AFG2A: variants seen among roughly 807,000 people sequenced by gnomAD.
AFG2A encodes AAA ATPase AFG2A.
At chr4:123,101,373 T>C in the AFG2A span, among the ~76,000 whole-genome samples, 1 of 151,856 alleles carries the variant, frequency 6.6e-6, no homozygotes, top group African/African-American at 2.4e-5. Flanking sequence ...TTGGTGGAAA[T>C]AGATAAGAGT....
the AFG2A span, among the ~76,000 whole-genome samples, chr4:123,043,136 G>T: frequency 6.6e-6 from 1 of 152,130 alleles, no homozygotes; most frequent in Non-Finnish European, 1.5e-5. Flanking sequence ...CATTTTTAAG[G>T]ATATGCCATT....
chr4:122,937,632 G>T, the AFG2A span, among the ~76,000 whole-genome samples: 180 of 152,312 alleles, frequency 1.2e-3, no homozygotes, highest in South Asian at 0.011. Context: ...TGCTTTTGTT[G>T]TTGTTGTGTT....
the AFG2A span, among the ~76,000 whole-genome samples, chr4:123,075,223 C>T: frequency 6.6e-6 from 1 of 152,106 alleles, no homozygotes; most frequent in Non-Finnish European, 1.5e-5. Flanking sequence ...GGATTACAGG[C>T]ATGAGCCACC....
At chr4:123,028,485 G>T in the AFG2A span, 4 of 994,536 alleles carry the variant, frequency 4.0e-6, no homozygotes, top group East Asian at 7.5e-5. Context: ...ACGAATAAAG[G>T]CATCTTAAGG....
the AFG2A span, among the ~76,000 whole-genome samples, chr4:122,981,519 C>T: frequency 7.6e-6 from 1 of 131,306 alleles, no homozygotes; most frequent in Non-Finnish European, 1.6e-5. Context: ...TTTTATGTTT[C>T]CTTATGAATT....
chr4:122,947,218 A>G, the AFG2A span: 7 of 1,504,730 alleles, frequency 4.7e-6, no homozygotes, highest in Admixed American at 1.2e-4. Flanking sequence ...ATTTATTTTC[A>G]TTTTATTTTG....
the AFG2A span, among the ~76,000 whole-genome samples, chr4:123,287,770 A>G: frequency 6.6e-6 from 1 of 152,214 alleles, no homozygotes; most frequent in Non-Finnish European, 1.5e-5. Context: ...ATAAGAGAGA[A>G]GGAGCAAAAT....
chr4:123,205,476 A>G, the AFG2A span, among the ~76,000 whole-genome samples: 2 of 152,214 alleles, frequency 1.3e-5, no homozygotes, highest in African/African-American at 4.8e-5. Flanking sequence ...AAATAATGCA[A>G]CAATCAAAAA....
the AFG2A span, among the ~76,000 whole-genome samples, chr4:122,977,847 G>A: frequency 3.5e-3 from 532 of 152,316 alleles, 3 homozygotes; most frequent in Middle Eastern, 0.014. Flanking sequence ...CCTGATGAGC[G>A]TCCAGCTCTC....
At chr4:123,037,681 T>C in the AFG2A span, among the ~76,000 whole-genome samples, 7 of 152,104 alleles carry the variant, frequency 4.6e-5, no homozygotes, top group Non-Finnish European at 1.0e-4. Flanking sequence ...AGAATTATAC[T>C]TCACCTTTGC....
At chr4:123,138,908 A>C in the AFG2A span, among the ~76,000 whole-genome samples, 5 of 152,188 alleles carry the variant, frequency 3.3e-5, no homozygotes, top group African/African-American at 1.2e-4. Flanking sequence ...ATGTATATGT[A>C]TAAAATATAT....
chr4:123,156,795 T>C, the AFG2A span, among the ~76,000 whole-genome samples: 1 of 151,018 alleles, frequency 6.6e-6, no homozygotes, highest in Non-Finnish European at 1.5e-5. Flanking sequence ...AAGAAACTCC[T>C]GTTCTTAATG....
the AFG2A span, among the ~76,000 whole-genome samples, chr4:123,075,443 C>T: frequency 1.3e-5 from 2 of 151,708 alleles, no homozygotes; most frequent in Non-Finnish European, 2.9e-5. Flanking sequence ...GGATTACAGG[C>T]GCCTGCCACC....
At chr4:123,219,143 TC>T in the AFG2A span, among the ~76,000 whole-genome samples, 1 of 152,222 alleles carries the variant, frequency 6.6e-6, no homozygotes, top group African/African-American at 2.4e-5. Context: ...AGTGCAGTTA[TC>T]AGTCTGTGGC....
the AFG2A span, among the ~76,000 whole-genome samples, chr4:123,150,652 A>T: frequency 6.6e-6 from 1 of 152,248 alleles, no homozygotes; most frequent in Non-Finnish European, 1.5e-5. Context: ...CCATGTGCTC[A>T]TGGATATGAA....
At chr4:123,156,019 G>C in the AFG2A span, among the ~76,000 whole-genome samples, 9 of 152,168 alleles carry the variant, frequency 5.9e-5, no homozygotes, top group African/African-American at 2.2e-4. Context: ...AAGCATGGCA[G>C]CTTCTACCTC....
At chr4:123,162,888 C>T in the AFG2A span, among the ~76,000 whole-genome samples, 1 of 152,074 alleles carries the variant, frequency 6.6e-6, no homozygotes, top group Non-Finnish European at 1.5e-5. Flanking sequence ...GGTTATTATA[C>T]AGATTAATAA....
chr4:123,119,817 A>C, the AFG2A span, among the ~76,000 whole-genome samples: 16 of 152,186 alleles, frequency 1.1e-4, no homozygotes. Context: ...TTTATAAAGG[A>C]AAGAGGTTTA....
At chr4:123,290,655 A>G in the AFG2A span, among the ~76,000 whole-genome samples, 1 of 152,208 alleles carries the variant, frequency 6.6e-6, no homozygotes, top group African/African-American at 2.4e-5. Context: ...CACATCTTAA[A>G]TGGATGGCAG....
Sources: gnomAD v4.1 joint callset for allele counts (sites outside exome capture counted in the v4.1 genomes callset) on GRCh38, gnomAD v4.1.1 for gene constraint, MANE v1.5 for transcripts, NCBI Gene and HGNC (gene_info 2026-07-23, HGNC 2026-07-21) for gene names.